The following RNF181 variants were observed in gnomAD, a reference collection of about 807,000 sequenced individuals.
RNF181 encodes ring finger protein 181, also known as E3 ubiquitin-protein ligase RNF181.
A neutral mutation model predicts 23.3 loss-of-function variants in RNF181; 25 were observed. That is an observed-to-expected ratio of 1.07 (90% CI 0.78 to 1.50). The LOEUF is 1.50. Among genes scored for constraint, RNF181 ranks in the 40% most tolerant of loss-of-function variants. The pLI, the probability that RNF181 is intolerant of heterozygous loss-of-function variation, is 0.00. For missense variants in RNF181, 167 were observed against 191.1 expected (o/e 0.87, Z 0.74); for synonymous variants, 62 against 70.9 (o/e 0.87, Z 0.63).
At chr2:85,597,239 C>A (rs776413879) in intron 4 of RNF181, 61 bp downstream of exon 4, 25 of 1,457,740 alleles carry the variant, frequency 1.7e-5, no homozygotes, top group Non-Finnish European at 2.3e-5. Flanking sequence ...GTCCCCGCTG[C>A]CATCACTTCC....
In RNF181 at chr2:85,597,312, G is replaced by A. The variant is rs1007778671; in HGVS notation, c.403-133G>A. On this transcript the variant is annotated intron_variant, in intron 4 of 4. Transcript: ENST00000306368. ...CTCTGGCTGTCTTCTTAGTGACTTT[G>A]ATTTGTGGTGAGAGCCTCAGCAATG... 6 of 1,396,482 alleles carry A rather than the reference G, an allele frequency of 4.3e-6. No homozygotes were observed. In the African/African-American group the frequency reaches 5.8e-5, roughly 13 times the overall value. The allele number at this position is 1,396,482 out of a possible 1,614,324, so 86.5% of individuals were successfully genotyped here.
At chr2:85,597,056 G>A in intron 3 of RNF181, 48 bp from the exon 4 acceptor site, 1 of 1,614,170 alleles carries the variant, frequency 6.2e-7, no homozygotes, top group South Asian at 1.1e-5. Context: ...GTGGTTATCA[G>A]CTTATGAAGA....
Position 85,596,857 on chromosome 2 carries a change from G to T in RNF181, c.253G>T (p.Glu85Ter). ...KCPVCLLEFE[E>*]EETAIEMPCH... is the part of the protein sequence containing the mutation. ...CCCCGTGTGTCTTTTGGAATTTGAGGAGGAGGAGACTGCCATTGAGATGCC... is the reference window on the plus strand; with the variant it reads ...CCCCGTGTGTCTTTTGGAATTTGAGTAGGAGGAGACTGCCATTGAGATGCC... Residue 85 changes from glutamate (E) to a stop codon, truncating the protein, a stop_gained, in exon 3 of 5, where the codon GAG (glutamate) becomes TAG (stop). Coordinates refer to ENST00000306368, the MANE Select transcript of RNF181 (RefSeq NM_016494.4). LOFTEE classifies it high-confidence loss of function. 6.2e-7 allele frequency: 1 copy of T among 1,614,216 alleles called. No homozygotes were observed. The highest frequency in any genetic ancestry group is 1.1e-5 in the South Asian group (1 of 91,084).
At chr2:85,596,478 C>G (rs1573353971) in intron 1 of RNF181, 41 bp from the exon 2 acceptor site, 1 of 1,548,004 alleles carries the variant, frequency 6.5e-7, no homozygotes, top group East Asian at 2.3e-5. Context: ...AAAGAAAAAG[C>G]ATAGTTTTCC....
chr2:85,597,584 T>C lies in RNF181; in HGVS notation c.*80T>C, dbSNP rs768502395. 3.8e-6 allele frequency: 6 copies of C among 1,587,400 alleles called. No individual in the cohort carries two copies. The highest frequency in any genetic ancestry group is 5.1e-6 in the Non-Finnish European group (6 of 1,168,366). ...TCATTAAAGGTTTCTTTACCCACCC[T>C]GAGGCTGTATTGATCACAGACCTGG... On this transcript the variant is annotated 3_prime_UTR_variant, in exon 5 of 5. Transcript: ENST00000306368.
Position 85,595,770 on chromosome 2 carries a change from T to A in RNF181, c.7T>A (p.Ser3Thr), listed in dbSNP as rs1413226234. 1.2e-6 allele frequency: 2 copies of A among 1,613,824 alleles called. No homozygotes were observed. Among genetic ancestry groups the A allele is most frequent in the Admixed American group, 1.7e-5 (1 of 59,994 alleles). Residue 3 changes from serine to threonine, a missense_variant, in exon 1 of 5, where the codon TCC becomes ACC. Ser to Thr is a moderately conservative substitution (Grantham distance 58). Coordinates refer to ENST00000306368, the MANE Select transcript of RNF181 (RefSeq NM_016494.4). The stretch of plus-strand genomic sequence containing the variant: ...GTCAGAAGGCTGGGCAGCCATGGCG[T>A]CCTATTTCGATGAACACGACTGCGA... Reference protein sequence around the residue: MASYFDEHDCEPS... With the variant: MATYFDEHDCEPS...
intron 4 of RNF181, 74 bp downstream of exon 4, chr2:85,597,252 C>T (rs1302534055): frequency 2.8e-6 from 4 of 1,437,670 alleles, no homozygotes; most frequent in Non-Finnish European, 3.8e-6. Context: ...TCACTTCCCA[C>T]CTCAGCAGGA....
Position 85,596,514 on chromosome 2 carries a change from C to T in RNF181, c.87-5C>T. ...TTTGTTCTGACTTTACATCCCCTTC[C>T]CCAGGTCACTTTTCAATAGGATGGA... On this transcript the variant is annotated splice_polypyrimidine_tract_variant and splice_region_variant and intron_variant, in intron 1 of 4. Transcript: ENST00000306368. 1 of 1,597,840 alleles carries T rather than the reference C, an allele frequency of 6.3e-7. No homozygotes were observed. The highest frequency in any genetic ancestry group is 8.5e-7 in the Non-Finnish European group (1 of 1,172,714).
chr2:85,595,749 G>C lies in RNF181; in HGVS notation c.-15G>C. On this transcript the variant is annotated 5_prime_UTR_variant, in exon 1 of 5. Transcript: ENST00000306368. ...CGAGCAGGGTCCGAGGGCTGTGTCA[G>C]AAGGCTGGGCAGCCATGGCGTCCTA... is the stretch of plus-strand genomic sequence containing the variant. 6.2e-7 allele frequency: 1 copy of C among 1,612,532 alleles called. No homozygotes were observed. The highest frequency in any genetic ancestry group is 8.5e-7 in the Non-Finnish European group (1 of 1,179,166).
rs1446528959 is a variant in RNF181 at position 85,595,786 on chromosome 2, A to G, written c.23A>G (p.His8Arg). 2 of 1,613,902 alleles carry G rather than the reference A, an allele frequency of 1.2e-6. No homozygotes were observed. Among genetic ancestry groups the G allele is most frequent in the Admixed American group, 3.3e-5 (2 of 60,008 alleles). Reference sequence around the variant, plus strand: ...GCCATGGCGTCCTATTTCGATGAACACGACTGCGAGCCGTCGGACCCTGAG... The same window carrying G: ...GCCATGGCGTCCTATTTCGATGAACGCGACTGCGAGCCGTCGGACCCTGAG... MASYFDE[H>R]DCEPSDPEQE... is the part of the protein sequence containing the mutation. Residue 8 changes from histidine (H) to arginine (R), a missense_variant, in exon 1 of 5, where the codon CAC becomes CGC. Transcript: ENST00000306368.
In RNF181 at chr2:85,597,173, G is replaced by A. The variant is rs1250578912; in HGVS notation, c.397G>A (p.Asp133Asn). The change falls in exon 4 of 5, where the codon GAT (aspartate) becomes AAT (asparagine). Residue 133 changes from aspartate (D) to asparagine (N), a missense_variant. By Grantham distance (23) the Asp-to-Asn change is conservative. Coordinates refer to ENST00000306368, the MANE Select transcript of RNF181 (RefSeq NM_016494.4). ...DDDTYEEHRR[D>N]KARKQQQQHR... ...CGACACTTATGAGGAGCACAGACGA[G>A]ATAAGGTAGGGGCTGATGCTTAAGT... 2 of 1,612,820 alleles carry A rather than the reference G, an allele frequency of 1.2e-6. No individual in the cohort carries two copies. Among genetic ancestry groups the A allele is most frequent in the East Asian group, 4.5e-5 (2 of 44,866 alleles).
Position 85,596,556 on chromosome 2 carries a change from T to A in RNF181, c.124T>A (p.Leu42Met). The change falls in exon 2 of 5, where the codon TTG (leucine) becomes ATG (methionine). Residue 42 changes from leucine (L) to methionine (M), a missense_variant. Leu to Met is a conservative substitution (Grantham distance 15, BLOSUM62 2). Transcript: ENST00000306368. ...FNRMDFEDLGLVVDWDHHLPP... is the reference protein window; with the variant it reads ...FNRMDFEDLGMVVDWDHHLPP... ...TAGGATGGACTTTGAAGACTTGGGGTTGGTAGTAGATTGGGACCACCACCT... is the reference window on the plus strand; with the variant it reads ...TAGGATGGACTTTGAAGACTTGGGGATGGTAGTAGATTGGGACCACCACCT... The A allele has an allele frequency of 6.2e-7, 1 of 1,613,580 alleles. No individual in the cohort carries two copies. The highest frequency in any genetic ancestry group is 1.1e-5 in the South Asian group (1 of 91,038).
In RNF181 at chr2:85,597,601, C is replaced by A; in HGVS notation, c.*97C>A. On this transcript the variant is annotated 3_prime_UTR_variant, in exon 5 of 5. Transcript: ENST00000306368. The stretch of plus-strand genomic sequence containing the variant: ...ACCCACCCTGAGGCTGTATTGATCA[C>A]AGACCTGGCCAGGGGCTCTGCATCC... The A allele has an allele frequency of 6.5e-7, 1 of 1,543,590 alleles. No homozygotes were observed. The highest frequency in any genetic ancestry group is 8.7e-7 in the Non-Finnish European group (1 of 1,147,788).
chr2:85,596,151 G>T (rs1419878426), intron 1 of RNF181, among the ~76,000 whole-genome samples: 1 of 152,034 alleles, frequency 6.6e-6, no homozygotes, highest in African/African-American at 2.4e-5. Flanking sequence ...ATGGGGGCGG[G>T]GTTGGGGCCG....
rs899362340 is a variant in RNF181, at chr2:85,597,677, G to A, written c.*173G>A. 34 of 1,299,842 alleles carry A rather than the reference G, an allele frequency of 2.6e-5. No homozygotes were observed. In the African/African-American group the frequency reaches 2.8e-4, roughly 11 times the overall value. The allele number at this position is 1,299,842 out of a possible 1,614,324, so 80.5% of individuals were successfully genotyped here. ...GGAAGGTGATCCTAAATCGCAGAAG[G>A]CACCAGGCTGCGGTTTTCCTCCCTG... On this transcript the variant is annotated 3_prime_UTR_variant, in exon 5 of 5. Coordinates refer to ENST00000306368, the MANE Select transcript of RNF181 (RefSeq NM_016494.4).
At position 85,597,568 on chromosome 2, in the gene RNF181, G is replaced by A. The variant is rs1397134568; in HGVS notation, c.*64G>A. 1 of 1,605,090 alleles carries A rather than the reference G, an allele frequency of 6.2e-7. No homozygotes were observed. Among genetic ancestry groups the A allele is most frequent in the Middle Eastern group, 1.7e-4 (1 of 5,994 alleles). ...TATTAACCTTGAATCCTCATTAAAGGTTTCTTTACCCACCCTGAGGCTGTA... is the reference window on the plus strand; with the variant it reads ...TATTAACCTTGAATCCTCATTAAAGATTTCTTTACCCACCCTGAGGCTGTA... On this transcript the variant is annotated 3_prime_UTR_variant, in exon 5 of 5. Transcript: ENST00000306368.
At position 85,596,523 on chromosome 2, in the gene RNF181, C is replaced by G. The variant is rs747004148; in HGVS notation, c.91C>G (p.Leu31Val). 2.5e-6 allele frequency: 4 copies of G among 1,604,464 alleles called. No homozygotes were observed. Among genetic ancestry groups the G allele is most frequent in the Non-Finnish European group, 8.5e-7 (1 of 1,176,096 alleles). ...ACTTTACATCCCCTTCCCCAGGTCA[C>G]TTTTCAATAGGATGGACTTTGAAGA... is the stretch of plus-strand genomic sequence containing the variant. ...TNMLLELARS[L>V]FNRMDFEDLG... The change falls in exon 2 of 5, where the codon CTT (leucine) becomes GTT (valine). Residue 31 changes from leucine to valine, a missense_variant. By Grantham distance (32) the Leu-to-Val change is conservative (BLOSUM62 1). Coordinates refer to ENST00000306368, the MANE Select transcript of RNF181 (RefSeq NM_016494.4).
At chr2:85,596,360 T>C (rs1323404297) in intron 1 of RNF181, among the ~76,000 whole-genome samples, 159 bp from the exon 2 acceptor site, 1 of 152,116 alleles carries the variant, frequency 6.6e-6, no homozygotes, top group African/African-American at 2.4e-5. Context: ...TTGTAAACTA[T>C]TTCCCATCGT....
At position 85,596,665 on chromosome 2, in the gene RNF181, C is replaced by T. The variant is rs1227666938; in HGVS notation, c.217+16C>T. 9 of 1,613,018 alleles carry T rather than the reference C, an allele frequency of 5.6e-6. No individual in the cohort carries two copies. Among genetic ancestry groups the T allele is most frequent in the Non-Finnish European group, 6.8e-6 (8 of 1,179,218 alleles). ...TCTCAGGCTGGTGAGGACACTGATTCTTTCTGCTATTTGGGCCAGACCCAC... is the reference window on the plus strand; with the variant it reads ...TCTCAGGCTGGTGAGGACACTGATTTTTTCTGCTATTTGGGCCAGACCCAC... On this transcript the variant is annotated intron_variant, in intron 2 of 4. Transcript: ENST00000306368.
Sources: gnomAD v4.1 joint callset for allele counts (sites outside exome capture counted in the v4.1 genomes callset) on GRCh38, gnomAD v4.1.1 for gene constraint, MANE v1.5 for transcripts, NCBI Gene and HGNC (gene_info 2026-07-23, HGNC 2026-07-21) for gene names.